Variants in VAV3 observed in about 807,000 individuals in gnomAD.
VAV3 encodes guanine nucleotide exchange factor VAV3.
Under a neutral mutation model 131.2 loss-of-function variants are expected in VAV3, and 94 were observed. The ratio of observed to expected loss-of-function variants is 0.72; its 90% confidence interval spans 0.61 to 0.85. The LOEUF is 0.85. Among genes scored for constraint, VAV3 ranks in the 40% least tolerant of loss-of-function variants. The pLI is 0.00. For missense variants in VAV3, 939 were observed against 1,002.7 expected, an observed-to-expected ratio of 0.94 and a Z score of 0.86; for synonymous variants, 349 against 342.0, an observed-to-expected ratio of 1.02 and a Z score of -0.22.
intron 12 of VAV3, among the ~76,000 whole-genome samples, chr1:107,753,289 G>T (rs1663850319): frequency 6.6e-6 from 1 of 151,742 alleles, no homozygotes. Context: ...TAGATTGGTA[G>T]TTTCCAGGGG....
chr1:107,624,112 CCCTTA>C (rs1307419948), intron 20 of VAV3, among the ~76,000 whole-genome samples: 2 of 151,816 alleles, frequency 1.3e-5, no homozygotes, highest in Non-Finnish European at 2.9e-5. Flanking sequence ...GTGTCAAAAA[CCCTTA>C]AAAATTAAAA....
intron 15 of VAV3, among the ~76,000 whole-genome samples, chr1:107,705,989 T>C (rs1660428361): frequency 6.6e-6 from 1 of 151,830 alleles, no homozygotes; most frequent in Non-Finnish European, 1.5e-5. Context: ...ACATTTAACT[T>C]TTTTTTTACA....
chr1:107,664,796 G>A (rs1657296573), intron 19 of VAV3, among the ~76,000 whole-genome samples: 1 of 152,070 alleles, frequency 6.6e-6, no homozygotes, highest in African/African-American at 2.4e-5. Context: ...TCTTGGAAGA[G>A]GGAATACTGG....
At chr1:107,637,133 A>C (rs1053045377) in intron 20 of VAV3, among the ~76,000 whole-genome samples, 2 of 152,188 alleles carry the variant, frequency 1.3e-5, no homozygotes, top group Non-Finnish European at 2.9e-5. Context: ...CGGGAATGAG[A>C]TGGATAATAC....
chr1:107,959,694 G>T (rs59614404), intron 1 of VAV3, among the ~76,000 whole-genome samples: 16,954 of 151,940 alleles, frequency 0.11, 1,776 homozygotes, highest in African/African-American at 0.28. Flanking sequence ...TCCCTGTGTG[G>T]TATCACCCAG....
intron 13 of VAV3, 101 bp downstream of exon 13, chr1:107,751,016 C>CT: frequency 8.7e-7 from 1 of 1,153,426 alleles, no homozygotes; most frequent in Non-Finnish European, 1.2e-6. Context: ...GTATTTCTTC[C>CT]TTTTTTCCCC....
intron 22 of VAV3, among the ~76,000 whole-genome samples, chr1:107,609,209 A>C (rs1219674766): frequency 2.0e-5 from 3 of 152,232 alleles, no homozygotes; most frequent in Non-Finnish European, 4.4e-5. Flanking sequence ...AGTTATTATG[A>C]CATCATGACT....
At chr1:107,751,247 A>G in intron 12 of VAV3, 45 bp from the exon 13 acceptor site, 1 of 1,469,762 alleles carries the variant, frequency 6.8e-7, no homozygotes, top group Non-Finnish European at 9.4e-7. Flanking sequence ...TAATCACATG[A>G]AAATAAAAAC....
chr1:107,744,138 C>T (rs143865570), intron 15 of VAV3, among the ~76,000 whole-genome samples: 1 of 152,310 alleles, frequency 6.6e-6, no homozygotes, highest in East Asian at 1.9e-4. Context: ...GATAGTGCAT[C>T]CTGGTCCCAG....
intron 1 of VAV3, among the ~76,000 whole-genome samples, chr1:107,927,103 A>G (rs897862031): frequency 6.6e-6 from 1 of 152,196 alleles, no homozygotes; most frequent in African/African-American, 2.4e-5. Flanking sequence ...CATCTTGGAT[A>G]CCAGCTCAGC....
In VAV3 at chr1:107,891,793, C is replaced by T. The variant is rs144411776; in HGVS notation, c.205-16776G>A. Among the ~76,000 whole-genome samples, 819 of 146,362 alleles carry T rather than the reference C, an allele frequency of 5.6e-3. 11 individuals carry two copies. Among genetic ancestry groups the T allele is most frequent in the African/African-American group, 0.019 (758 of 39,270 alleles). On this transcript the variant is annotated intron_variant, in intron 1 of 26. Coordinates refer to ENST00000370056, the MANE Select transcript of VAV3 (RefSeq NM_006113.5). ...GGCAGAGGTTGCAGTGTGCGGAGAC[C>T]GCGCCATTGCAGTCCAGCCTGGGGG...
chr1:107,899,326 C>T (rs1047220463), intron 1 of VAV3, among the ~76,000 whole-genome samples: 4 of 152,282 alleles, frequency 2.6e-5, no homozygotes, highest in Middle Eastern at 3.4e-3. Context: ...AAGCGGCCAT[C>T]CAATCATCTC....
intron 15 of VAV3, among the ~76,000 whole-genome samples, chr1:107,745,954 A>ATCCTGTATC (rs780414801): frequency 1.3e-5 from 2 of 152,210 alleles, no homozygotes; most frequent in Non-Finnish European, 2.9e-5. Flanking sequence ...GGAAGAAGCC[A>ATCCTGTATC]TCCTGTGGAG....
intron 1 of VAV3, among the ~76,000 whole-genome samples, chr1:107,922,801 A>C (rs1571145633): frequency 6.6e-6 from 1 of 151,926 alleles, no homozygotes; most frequent in African/African-American, 2.4e-5. Flanking sequence ...AAATACAAAA[A>C]ATTAGCCGGG....
chr1:107,638,175 T>C (rs1655072748), intron 20 of VAV3, among the ~76,000 whole-genome samples: 1 of 152,204 alleles, frequency 6.6e-6, no homozygotes. Flanking sequence ...CTCTCATGAC[T>C]TCTATTTGAC....
At position 107,811,594 on chromosome 1, in the gene VAV3, A is replaced by G. The variant is rs148466039; in HGVS notation, c.322-32102T>C. The stretch of plus-strand genomic sequence containing the variant: ...GGTTATTAAAAATTTTTCAAAAGTT[A>G]TAAGATTTAAAATATGGGAAGAAAA... On this transcript the variant is annotated intron_variant, in intron 2 of 26. Coordinates refer to ENST00000370056, the MANE Select transcript of VAV3 (RefSeq NM_006113.5). Among the ~76,000 whole-genome samples the G allele has an allele frequency of 1.1e-3, 164 of 152,342 alleles. 3 individuals carry two copies. The highest frequency in any genetic ancestry group is 3.6e-3 in the African/African-American group (148 of 41,584).
intron 1 of VAV3, among the ~76,000 whole-genome samples, chr1:107,913,375 G>C (rs2101125226): frequency 6.6e-6 from 1 of 152,310 alleles, no homozygotes; most frequent in East Asian, 1.9e-4. Context: ...ATTGTGCCCA[G>C]AGTGTATACA....
chr1:107,914,751 A>G (rs1361891809), intron 1 of VAV3, among the ~76,000 whole-genome samples: 3 of 152,164 alleles, frequency 2.0e-5, no homozygotes, highest in Admixed American at 2.0e-4. Flanking sequence ...GTGCTTACTT[A>G]GTAGGCATGG....
Position 107,964,714 on chromosome 1 carries a change from C to A in VAV3, c.156G>T (p.Ala52=), listed in dbSNP as rs767057707. ...TGATCTCCTTCAGGTTGATGGAGTG[C>A]GCCCGGAGGTTGTTAAGCAGCTGGC... ...LLCQLLNNLR[A]HSINLKEINL... Residue 52 remains alanine (A), a synonymous_variant, in exon 1 of 27, where the codon GCG becomes GCT. Transcript: ENST00000370056. 1 of 1,614,048 alleles carries A rather than the reference C, an allele frequency of 6.2e-7. No homozygotes were observed. The highest frequency in any genetic ancestry group is 1.6e-4 in the Middle Eastern group (1 of 6,062).
Sources: allele counts gnomAD v4.1 joint callset (sites outside exome capture counted in the v4.1 genomes callset), GRCh38; gene constraint gnomAD v4.1.1; transcripts MANE v1.5; gene names NCBI Gene and HGNC (gene_info 2026-07-23, HGNC 2026-07-21).